Variants in RAVER2 observed in about 807,000 individuals in gnomAD.
RAVER2 encodes the protein ribonucleoprotein PTB-binding 2.
In RAVER2, 46 loss-of-function variants were observed where a neutral mutation model predicts 78.1. The observed-to-expected ratio is 0.59, with a 90% CI of 0.46 to 0.75. The LOEUF (loss-of-function observed/expected upper bound fraction) is 0.75. Among genes scored for constraint, RAVER2 ranks in the 30% least tolerant of loss-of-function variants. RAVER2 has a pLI of 0.00. For synonymous variants in RAVER2, 311 were observed against 313.3 expected, an observed-to-expected ratio of 0.99 and a Z score of 0.08; for missense variants, 793 against 837.5, an observed-to-expected ratio of 0.95 and a Z score of 0.66.
intron 1 of RAVER2, among the ~76,000 whole-genome samples, chr1:64,750,944 TTC>T (rs1309321320): frequency 6.6e-6 from 1 of 152,242 alleles, no homozygotes. Context: ...GGAAATGTAC[TTC>T]TAGATTTCTG....
In RAVER2 at chr1:64,812,850, G is replaced by A. The variant is rs1570578179; in HGVS notation, c.1792+1G>A. The A allele has an allele frequency of 6.4e-7, 1 of 1,572,522 alleles. No homozygotes were observed. Among genetic ancestry groups the A allele is most frequent in the African/African-American group, 1.4e-5 (1 of 73,334 alleles). On this transcript the variant is annotated splice_donor_variant, in intron 10 of 11. Coordinates refer to ENST00000294428, the Ensembl canonical transcript of RAVER2. LOFTEE classifies it high-confidence loss of function. ...GTGTTGCCCAGTGTGTGCTTATCAT[G>A]TAAGTAGGGGCTCAGTATTCTTGTT...
chr1:64,787,370 TG>T (rs1288913859), intron 4 of RAVER2, among the ~76,000 whole-genome samples: 1 of 152,176 alleles, frequency 6.6e-6, no homozygotes, highest in East Asian at 1.9e-4. Context: ...AGCTAAAGCC[TG>T]GTCTTAGCTA....
In RAVER2 at chr1:64,831,205, T is replaced by C. The variant is rs1220569650; in HGVS notation, c.*220T>C. On this transcript the variant is annotated 3_prime_UTR_variant, in exon 12 of 12. Transcript: ENST00000294428. ...TCCACTAGAGTCAGATGCATCTTAA[T>C]CAGTGTGCTAACTTACAATCCATTG... 1.1e-5 allele frequency: 4 copies of C among 379,976 alleles called. No individual in the cohort carries two copies. In the East Asian group the frequency reaches 1.6e-4, roughly 15 times the overall value. 23.5% of individuals were successfully genotyped at this position (379,976 alleles called of 1,614,324 possible). A position where few individuals can be genotyped will look rare whatever the true frequency, so the allele number is the denominator to read the frequency against.
chr1:64,755,401 G>T (rs1557581477), intron 1 of RAVER2, among the ~76,000 whole-genome samples: 1 of 152,004 alleles, frequency 6.6e-6, no homozygotes, highest in Non-Finnish European at 1.5e-5. Context: ...GTGTGTTTGA[G>T]ACTTACTGTT....
At chr1:64,762,357 T>C (rs1652045922) in intron 1 of RAVER2, among the ~76,000 whole-genome samples, 1 of 151,598 alleles carries the variant, frequency 6.6e-6, no homozygotes, top group South Asian at 2.1e-4. Flanking sequence ...AACTGATCTA[T>C]AGTGTCAATG....
chr1:64,803,438 A>G (rs1379404418), intron 6 of RAVER2, among the ~76,000 whole-genome samples: 1 of 152,202 alleles, frequency 6.6e-6, no homozygotes, highest in East Asian at 1.9e-4. Flanking sequence ...AAATTTAATG[A>G]CTATTATAAA....
intron 2 of RAVER2, among the ~76,000 whole-genome samples, chr1:64,771,406 C>T (rs972768271): frequency 6.6e-6 from 1 of 151,906 alleles, no homozygotes; most frequent in Non-Finnish European, 1.5e-5. Flanking sequence ...TAGACTTGCA[C>T]TATAAGAAAT....
intron 11 of RAVER2, among the ~76,000 whole-genome samples, chr1:64,819,655 AT>A (rs1356778432): frequency 6.6e-6 from 1 of 152,264 alleles, no homozygotes. Flanking sequence ...GCAAAGCAGG[AT>A]AAATAAAAGG....
chr1:64,745,397 C>T lies in RAVER2; in HGVS notation c.225C>T (p.Asn75=), dbSNP rs755815756. The change falls in exon 1 of 12, where the codon AAC becomes AAT. Residue 75 remains asparagine (N), a synonymous_variant. Coordinates refer to ENST00000294428, the Ensembl canonical transcript of RAVER2. This position sits in a 1 kb window ranked among gnomAD's most constrained non-coding sequence, Gnocchi z 4.3. Reference sequence around the variant, plus strand: ...ACCGCAGGAAAATCCTGGTGAAAAACCTGCCCCAGGACAGCAACTGCCAGG... The same window carrying T: ...ACCGCAGGAAAATCCTGGTGAAAAATCTGCCCCAGGACAGCAACTGCCAGG... 1.9e-4 allele frequency: 296 copies of T among 1,538,218 alleles called. No individual in the cohort carries two copies. Among genetic ancestry groups the T allele is most frequent in the Non-Finnish European group, 2.4e-4 (268 of 1,140,022 alleles).
At chr1:64,761,012 C>T (rs1163163738) in intron 1 of RAVER2, among the ~76,000 whole-genome samples, 1 of 152,158 alleles carries the variant, frequency 6.6e-6, no homozygotes, top group Admixed American at 6.5e-5. Flanking sequence ...ATGTTCTCAT[C>T]TTTAAAATCT....
chr1:64,826,871 C>T (rs1654015243), intron 11 of RAVER2, among the ~76,000 whole-genome samples: 2 of 151,902 alleles, frequency 1.3e-5, no homozygotes, highest in African/African-American at 2.4e-5. Context: ...GTGGGGTATA[C>T]GAGGGTAAGA....
At chr1:64,774,361 G>A (rs1322665743) in intron 2 of RAVER2, among the ~76,000 whole-genome samples, 1 of 152,148 alleles carries the variant, frequency 6.6e-6, no homozygotes, top group Non-Finnish European at 1.5e-5. Flanking sequence ...TGTATAAGGT[G>A]TAAGAAAGGG....
chr1:64,827,486 A>G (rs1654030103), intron 11 of RAVER2, among the ~76,000 whole-genome samples: 2 of 152,312 alleles, frequency 1.3e-5, no homozygotes, highest in Admixed American at 6.5e-5. Flanking sequence ...CTATTCATAG[A>G]GTGGTTTCAG....
At position 64,761,686 on chromosome 1, in the gene RAVER2, G is replaced by A. The variant is rs552091137; in HGVS notation, c.250-6970G>A. ...ATCACTGCTATTCAAGACTGTATTG[G>A]AATTCCTAGCTAACACAATACACCT... On this transcript the variant is annotated intron_variant, in intron 1 of 11. Coordinates refer to ENST00000294428, the Ensembl canonical transcript of RAVER2. Among the ~76,000 whole-genome samples, 3 of 151,924 alleles carry A rather than the reference G, an allele frequency of 2.0e-5. No homozygotes were observed. The South Asian group carries it at 6.2e-4, about 32-fold the overall frequency.
At chr1:64,771,922 A>G (rs537092163) in intron 2 of RAVER2, among the ~76,000 whole-genome samples, 45 of 152,228 alleles carry the variant, frequency 3.0e-4, no homozygotes, top group African/African-American at 1.1e-3. Flanking sequence ...AGAGCTTCCT[A>G]TGGTAGATAT....
Position 64,812,613 on chromosome 1 carries a change from A to G in RAVER2, c.1681-125A>G, listed in dbSNP as rs1653644810. 5.3e-6 allele frequency: 3 copies of G among 564,758 alleles called. No homozygotes were observed. The Admixed American group carries it at 1.1e-4, about 21-fold the overall frequency. 35.0% of individuals were successfully genotyped at this position (564,758 alleles called of 1,614,324 possible). A position where few individuals can be genotyped will look rare whatever the true frequency, so the allele number is the denominator to read the frequency against. ...ATAACAGGTGAAATGTGATAATTTT[A>G]GTGAACATCCATAAATATTTCATAA... On this transcript the variant is annotated intron_variant, in intron 9 of 11. Transcript: ENST00000294428.
intron 10 of RAVER2, among the ~76,000 whole-genome samples, chr1:64,813,867 A>G (rs907034824): frequency 6.0e-4 from 67 of 111,618 alleles, no homozygotes; most frequent in African/African-American, 2.5e-3. Flanking sequence ...ACACACACAC[A>G]CACACACGTT....
rs138363934 is a variant in RAVER2, at chr1:64,821,600, A to T, written c.1929+6760A>T. ...CATAGACCAATGGAACAGAATAGAG[A>T]GCCCAGAAATAAGGCTGGACATCTG... On this transcript the variant is annotated intron_variant, in intron 11 of 11. Transcript: ENST00000294428. Among the ~76,000 whole-genome samples, 669 of 152,298 alleles carry T rather than the reference A, an allele frequency of 4.4e-3. 10 individuals carry two copies. Among genetic ancestry groups the T allele is most frequent in the African/African-American group, 0.015 (641 of 41,568 alleles).
At chr1:64,770,883 A>G (rs1024672730) in intron 2 of RAVER2, among the ~76,000 whole-genome samples, 3 of 152,010 alleles carry the variant, frequency 2.0e-5, no homozygotes, top group African/African-American at 7.2e-5. Context: ...AAGTGATCCA[A>G]AATGAAACAC....
Sources: gnomAD v4.1 joint callset for allele counts (sites outside exome capture counted in the v4.1 genomes callset) on GRCh38, gnomAD v4.1.1 for gene constraint, Gnocchi (gnomAD v3.1) non-coding constraint, MANE v1.5 for transcripts, NCBI Gene and HGNC (gene_info 2026-07-23, HGNC 2026-07-21) for gene names.